The following MRTFB variants were observed in gnomAD, a reference collection of about 807,000 sequenced individuals.
MRTFB encodes the protein myocardin-related transcription factor B.
In MRTFB, 29 loss-of-function variants were observed where a neutral mutation model predicts 104.2. The ratio of observed to expected loss-of-function variants is 0.28; its 90% confidence interval spans 0.21 to 0.38. The LOEUF is 0.38. MRTFB is among the 10% of genes least tolerant of loss of function. The probability of loss-of-function intolerance (pLI) is 1.00; values close to 1 mark genes in which losing one functional copy is unlikely to be tolerated. For synonymous variants in MRTFB, 535 were observed against 519.5 expected, an observed-to-expected ratio of 1.03 and a Z score of -0.41; for missense variants, 1,270 against 1,341.6, an observed-to-expected ratio of 0.95 and a Z score of 0.83.
chr16:14,108,262 C>T (rs1214279459), intron 2 of MRTFB, among the ~76,000 whole-genome samples: 2 of 152,164 alleles, frequency 1.3e-5, no homozygotes, highest in Non-Finnish European at 2.9e-5. Flanking sequence ...GTCTCTATTG[C>T]TCTTTCTTAG....
At chr16:14,022,459 C>T in the MRTFB span, among the ~76,000 whole-genome samples, 31 of 151,952 alleles carry the variant, frequency 2.0e-4, no homozygotes, top group African/African-American at 7.3e-4. Context: ...TACAGTGGCG[C>T]GATCTCCACT....
At chr16:14,208,296 G>C (rs1167594439) in intron 3 of MRTFB, among the ~76,000 whole-genome samples, 3 of 152,152 alleles carry the variant, frequency 2.0e-5, no homozygotes. Flanking sequence ...CAGAGTGTTG[G>C]TTTGCAAATC....
intron 10 of MRTFB, among the ~76,000 whole-genome samples, chr16:14,244,682 A>G (rs2042937801): frequency 2.0e-5 from 3 of 152,180 alleles, no homozygotes; most frequent in Admixed American, 6.5e-5. Flanking sequence ...TTATTTATTG[A>G]CCATTGGGAT....
chr16:14,066,369 G>A (rs1421882438), upstream of MRTFB, among the ~76,000 whole-genome samples: 2 of 150,750 alleles, frequency 1.3e-5, no homozygotes, highest in African/African-American at 2.4e-5. Context: ...CGCCTCCTGG[G>A]TTCAAGCGAT....
the MRTFB span, among the ~76,000 whole-genome samples, chr16:14,054,902 A>G: frequency 6.6e-6 from 1 of 152,344 alleles, no homozygotes; most frequent in African/African-American, 2.4e-5. Context: ...TAAACTGAGC[A>G]CCTCATTAAA....
chr16:14,258,433 A>G (rs2043611531), intron 16 of MRTFB, among the ~76,000 whole-genome samples: 1 of 152,170 alleles, frequency 6.6e-6, no homozygotes, highest in Admixed American at 6.5e-5. Context: ...CATCTCTACA[A>G]AAAATTTTAA....
Position 14,266,066 on chromosome 16 carries a change from G to A in MRTFB, c.*4622G>A, listed in dbSNP as rs1230353530. ...TTGACCTCAAGTAACCAATAGTAATGCAAACTTGCTTTAAAGGAACCAAAG... is the reference window on the plus strand; with the variant it reads ...TTGACCTCAAGTAACCAATAGTAATACAAACTTGCTTTAAAGGAACCAAAG... On this transcript the variant is annotated 3_prime_UTR_variant, in exon 17 of 17. Coordinates refer to ENST00000571589, the MANE Select transcript of MRTFB (RefSeq NM_001308142.2). The A allele has an allele frequency of 6.6e-6, 1 of 152,164 alleles. No individual in the cohort carries two copies. Among genetic ancestry groups the A allele is most frequent in the Admixed American group, 6.5e-5 (1 of 15,270 alleles). The allele number at this position is 152,164 out of a possible 1,614,324, so 9.4% of individuals were successfully genotyped here.
In MRTFB at chr16:14,261,989, A is replaced by G. The variant is rs1368181627; in HGVS notation, c.*545A>G. The G allele has an allele frequency of 1.3e-5, 2 of 152,282 alleles. No individual in the cohort carries two copies. 9.4% of individuals were successfully genotyped at this position (152,282 alleles called of 1,614,324 possible). Reference sequence around the variant, plus strand: ...CAGTTCAGTGACAGCTTCTGGCTGAAGACTTTTGGTTCTATTCAGAAACCT... The same window carrying G: ...CAGTTCAGTGACAGCTTCTGGCTGAGGACTTTTGGTTCTATTCAGAAACCT... On this transcript the variant is annotated 3_prime_UTR_variant, in exon 17 of 17. Coordinates refer to ENST00000571589, the MANE Select transcript of MRTFB (RefSeq NM_001308142.2).
the MRTFB span, among the ~76,000 whole-genome samples, chr16:14,015,385 T>A: frequency 6.6e-6 from 1 of 152,154 alleles, no homozygotes; most frequent in African/African-American, 2.4e-5. Context: ...AAGTCCTACC[T>A]CCTCATCTCT....
intron 3 of MRTFB, among the ~76,000 whole-genome samples, chr16:14,196,964 C>CTTTTTTTTTTTTTTTTTTTTTTT (rs35259229): frequency 9.7e-6 from 1 of 103,188 alleles, no homozygotes. Context: ...TCTCTTTTTT[C>CTTTTTTTTTTTTTTTTTTTTTTT]TTTTTTTTTT....
In MRTFB at chr16:14,179,663, A is replaced by G. The variant is rs77180616; in HGVS notation, c.155-30580A>G. 5.2e-3 allele frequency among the ~76,000 whole-genome samples: 788 copies of G among 152,332 alleles called. 6 individuals are homozygous for G. The highest frequency in any genetic ancestry group is 0.018 in the African/African-American group (755 of 41,574). On this transcript the variant is annotated intron_variant, in intron 3 of 16. Coordinates refer to ENST00000571589, the MANE Select transcript of MRTFB (RefSeq NM_001308142.2). ...AATGGCAGAATATCAAGACATTGAA[A>G]TTCTTTAGTGGTTGAAATAGTTTAT...
At chr16:14,196,136 G>A (rs1438819481) in intron 3 of MRTFB, among the ~76,000 whole-genome samples, 1 of 152,174 alleles carries the variant, frequency 6.6e-6, no homozygotes, top group Non-Finnish European at 1.5e-5. Flanking sequence ...TTTGTGTGAA[G>A]GTATGATGAG....
intron 1 of MRTFB, among the ~76,000 whole-genome samples, chr16:14,077,693 C>G (rs930303089): frequency 1.3e-5 from 2 of 152,012 alleles, no homozygotes; most frequent in African/African-American, 2.4e-5. Flanking sequence ...GCAATAGTGC[C>G]TGTAAGAATG....
the MRTFB span, among the ~76,000 whole-genome samples, chr16:14,039,443 G>A: frequency 6.6e-6 from 1 of 152,066 alleles, no homozygotes; most frequent in Non-Finnish European, 1.5e-5. Flanking sequence ...TTGTGGGAGG[G>A]AACAACACAA....
intron 13 of MRTFB, among the ~76,000 whole-genome samples, chr16:14,251,648 C>G (rs2151431598): frequency 6.6e-6 from 1 of 152,324 alleles, no homozygotes; most frequent in African/African-American, 2.4e-5. Context: ...CAGCCACACC[C>G]ATTTATCCAT....
upstream of MRTFB, among the ~76,000 whole-genome samples, chr16:14,066,623 TG>T (rs1467940200): frequency 6.6e-6 from 1 of 151,998 alleles, no homozygotes; most frequent in Non-Finnish European, 1.5e-5. Flanking sequence ...TTGGACTTGA[TG>T]GAAACCATAC....
At chr16:14,241,952 G>T (rs2042783755) in intron 10 of MRTFB, among the ~76,000 whole-genome samples, 1 of 145,928 alleles carries the variant, frequency 6.9e-6, no homozygotes, top group Admixed American at 7.0e-5. Context: ...ATCCTCCTTT[G>T]GCATTGGGCA....
chr16:14,044,314 G>A, the MRTFB span, among the ~76,000 whole-genome samples: 10 of 152,314 alleles, frequency 6.6e-5, no homozygotes, highest in African/African-American at 9.6e-5. Context: ...TCATGACAGC[G>A]TCCATGGGAA....
chr16:14,212,183 A>G (rs2041219734), intron 4 of MRTFB, among the ~76,000 whole-genome samples, 171 bp from the exon 5 acceptor site: 1 of 152,194 alleles, frequency 6.6e-6, no homozygotes, highest in Admixed American at 6.5e-5. Context: ...CATAATTTTT[A>G]TCCTGTAACA....
Sources: allele counts gnomAD v4.1 joint callset (sites outside exome capture counted in the v4.1 genomes callset), GRCh38; gene constraint gnomAD v4.1.1; transcripts MANE v1.5; gene names NCBI Gene and HGNC (gene_info 2026-07-23, HGNC 2026-07-21).